The following RAB40B variants were observed in gnomAD, a reference collection of about 807,000 sequenced individuals.
RAB40B encodes ras-related protein Rab-40B.
A neutral mutation model predicts 24.0 loss-of-function variants in RAB40B; 21 were observed. The ratio of observed to expected loss-of-function variants is 0.88; its 90% CI spans 0.62 to 1.26. The LOEUF (loss-of-function observed/expected upper bound fraction) is 1.26. Among genes scored for constraint, RAB40B ranks in the 50% most tolerant of loss-of-function variants. The probability of loss-of-function intolerance (pLI) is 0.00; values close to 1 mark genes in which losing one functional copy is unlikely to be tolerated. For synonymous variants in RAB40B, 167 were observed against 169.8 expected, an observed-to-expected ratio of 0.98 and a Z score of 0.13; for missense variants, 348 against 390.5, an observed-to-expected ratio of 0.89 and a Z score of 0.92.
chr17:82,681,399 A>T (rs2046448312), intron 1 of RAB40B, among the ~76,000 whole-genome samples: 1 of 152,330 alleles, frequency 6.6e-6, no homozygotes, highest in East Asian at 1.9e-4. Flanking sequence ...CTAATACAGG[A>T]AGCAGTAGTT....
At position 82,663,993 on chromosome 17, in the gene RAB40B, G is replaced by A. The variant is rs1424867730; in HGVS notation, c.203+503C>T. Among the ~76,000 whole-genome samples the A allele has an allele frequency of 6.7e-6, 1 of 148,398 alleles. No individual in the cohort carries two copies. Among genetic ancestry groups the A allele is most frequent in the Non-Finnish European group, 1.5e-5 (1 of 66,640 alleles). On this transcript the variant is annotated intron_variant, in intron 2 of 5. Coordinates refer to ENST00000571995, the MANE Select transcript of RAB40B (RefSeq NM_006822.3). This position sits in a 1 kb window ranked among gnomAD's most constrained non-coding sequence, Gnocchi z 6.2. Reference sequence around the variant, plus strand: ...GGGCGCTGTGCCGACGGTGGTGGTGGGAGGGTGTTCCCGGGGGCGCTGTGC... The same window carrying A: ...GGGCGCTGTGCCGACGGTGGTGGTGAGAGGGTGTTCCCGGGGGCGCTGTGC...
intron 1 of RAB40B, among the ~76,000 whole-genome samples, chr17:82,688,092 A>C (rs367993539): frequency 6.6e-6 from 1 of 152,000 alleles, no homozygotes; most frequent in African/African-American, 2.4e-5. Context: ...TACATCCCTG[A>C]AAGTTTTCAT....
At chr17:82,683,991 C>T (rs2046471016) in intron 1 of RAB40B, among the ~76,000 whole-genome samples, 1 of 151,848 alleles carries the variant, frequency 6.6e-6, no homozygotes, top group South Asian at 2.1e-4. Context: ...GAGGCCGAGG[C>T]GGGTGGATCA....
At chr17:82,698,396 C>G (rs2046634978) in intron 1 of RAB40B, 59 bp downstream of exon 1, 1 of 904,308 alleles carries the variant, frequency 1.1e-6, no homozygotes, top group African/African-American at 1.9e-5. Context: ...CCCTCCCCAG[C>G]CCCGCGCCCC....
chr17:82,687,314 C>G lies in RAB40B; in HGVS notation c.142+11141G>C, dbSNP rs774421421. On this transcript the variant is annotated intron_variant, in intron 1 of 5. Transcript: ENST00000571995. ...TTACTCTTTCCTATTAAGATAATAA[C>G]TTCTGGCCTTATGTATTAGGGTCAC... Among the ~76,000 whole-genome samples, 23 of 152,152 alleles carry G rather than the reference C, an allele frequency of 1.5e-4. 1 individual carries two copies. Among genetic ancestry groups the G allele is most frequent in the Non-Finnish European group, 2.8e-4 (19 of 68,030 alleles).
intron 2 of RAB40B, chr17:82,662,703 G>A: frequency 1.0e-6 from 1 of 985,422 alleles, no homozygotes; most frequent in Non-Finnish European, 1.2e-6. Context: ...TGGGGCCTGG[G>A]GGGATTCTGA....
chr17:82,656,252 C>G lies in RAB40B; in HGVS notation c.*1611G>C, dbSNP rs2046085528. On this transcript the variant is annotated 3_prime_UTR_variant, in exon 6 of 6. Coordinates refer to ENST00000571995, the MANE Select transcript of RAB40B (RefSeq NM_006822.3). The stretch of plus-strand genomic sequence containing the variant: ...TGAGCCATCACACCCAGCTGGGTCC[C>G]TTAAGTTTCTAAGAATCTACAGATC... 6.6e-6 allele frequency: 1 copy of G among 152,040 alleles called. No homozygotes were observed. 9.4% of individuals were successfully genotyped at this position (152,040 alleles called of 1,614,324 possible). A position where few individuals can be genotyped will look rare whatever the true frequency, so the allele number is the denominator to read the frequency against.
chr17:82,670,403 G>T (rs2046318830), intron 1 of RAB40B, among the ~76,000 whole-genome samples: 1 of 151,938 alleles, frequency 6.6e-6, no homozygotes, highest in South Asian at 2.1e-4. Flanking sequence ...CAGGTTGGTT[G>T]CGAACTCCTG....
chr17:82,674,151 G>A (rs1442605516), intron 1 of RAB40B, among the ~76,000 whole-genome samples: 1 of 151,734 alleles, frequency 6.6e-6, no homozygotes, highest in Non-Finnish European at 1.5e-5. Flanking sequence ...GACCAGCCTG[G>A]CCAACATGGT....
intron 1 of RAB40B, among the ~76,000 whole-genome samples, chr17:82,685,245 A>AG (rs2046486933): frequency 5.3e-5 from 1 of 19,042 alleles, no homozygotes; most frequent in African/African-American, 2.3e-4. Flanking sequence ...CGGAGGAGGG[A>AG]GGGGGAGGGG....
chr17:82,687,474 T>C (rs575499307), intron 1 of RAB40B, among the ~76,000 whole-genome samples: 2 of 152,194 alleles, frequency 1.3e-5, no homozygotes, highest in Non-Finnish European at 2.9e-5. Flanking sequence ...GAGCAAACTT[T>C]GCTGAGTCAC....
chr17:82,677,837 C>T (rs966408795), intron 1 of RAB40B, among the ~76,000 whole-genome samples: 11 of 152,264 alleles, frequency 7.2e-5, no homozygotes, highest in Admixed American at 6.5e-4. Flanking sequence ...CCGACCCCTG[C>T]ACCTGACCCG....
chr17:82,690,815 A>G (rs1179536618), intron 1 of RAB40B, among the ~76,000 whole-genome samples: 42 of 94,880 alleles, frequency 4.4e-4, no homozygotes, highest in African/African-American at 8.0e-4. Context: ...TTCCTGGGGA[A>G]CAGAGAGTGT....
chr17:82,664,423 A>T, intron 2 of RAB40B, 73 bp downstream of exon 2: 7 of 1,473,606 alleles, frequency 4.8e-6, no homozygotes, highest in Non-Finnish European at 6.6e-6. Flanking sequence ...CACTGTGCTG[A>T]CAGGGGGTGC....
chr17:82,660,334 C>T (rs188457336), intron 3 of RAB40B, among the ~76,000 whole-genome samples: 17 of 151,604 alleles, frequency 1.1e-4, no homozygotes, highest in African/African-American at 3.4e-4. Flanking sequence ...ACACAGGGCA[C>T]GTACCTGCAC....
In RAB40B at chr17:82,657,658, A is replaced by G. The variant is rs751591971; in HGVS notation, c.*205T>C. 2.8e-6 allele frequency: 2 copies of G among 708,558 alleles called. No homozygotes were observed. The highest frequency in any genetic ancestry group is 2.9e-5 in the South Asian group (2 of 68,716). The allele number at this position is 708,558 out of a possible 1,614,324, so 43.9% of individuals were successfully genotyped here. A position where few individuals can be genotyped will look rare whatever the true frequency, so the allele number is the denominator to read the frequency against. On this transcript the variant is annotated 3_prime_UTR_variant, in exon 6 of 6. Coordinates refer to ENST00000571995, the MANE Select transcript of RAB40B (RefSeq NM_006822.3). ...ACTAATTTTCCCTTTACAAACACAC[A>G]TCGAAAACAAGAGCTTCATGCACAT...
At chr17:82,684,244 A>G (rs2046474767) in intron 1 of RAB40B, among the ~76,000 whole-genome samples, 2 of 149,592 alleles carry the variant, frequency 1.3e-5, no homozygotes, top group Non-Finnish European at 3.0e-5. Context: ...AAAAATTACA[A>G]TGAGATACCA....
intron 1 of RAB40B, chr17:82,664,953 G>C (rs1045684892): frequency 5.1e-6 from 1 of 194,720 alleles, no homozygotes; most frequent in Admixed American, 5.4e-5. Flanking sequence ...TGAGAGCTCC[G>C]ACTCAGCTCT....
intron 1 of RAB40B, among the ~76,000 whole-genome samples, chr17:82,674,873 A>G (rs2046380860): frequency 6.6e-6 from 1 of 152,118 alleles, no homozygotes; most frequent in African/African-American, 2.4e-5. Context: ...GGGAGTAGGC[A>G]GAGGAGAAAG....
Sources: gnomAD v4.1 joint callset for allele counts (sites outside exome capture counted in the v4.1 genomes callset) on GRCh38, gnomAD v4.1.1 for gene constraint, Gnocchi (gnomAD v3.1) non-coding constraint, MANE v1.5 for transcripts, NCBI Gene and HGNC (gene_info 2026-07-23, HGNC 2026-07-21) for gene names.